Variants in GNAQ observed in about 807,000 individuals in gnomAD.
The protein encoded by GNAQ is guanine nucleotide-binding protein G(q) subunit alpha.
A neutral mutation model predicts 43.9 loss-of-function variants in GNAQ; 8 were observed. That is an observed-to-expected ratio of 0.18 (90% CI 0.11 to 0.33). The LOEUF (loss-of-function observed/expected upper bound fraction) is 0.33, where lower values mean the gene tolerates loss of function less well. GNAQ is among the 10% of genes least tolerant of loss of function. The probability of loss-of-function intolerance (pLI) is 1.00; values close to 1 mark genes in which losing one functional copy is unlikely to be tolerated. For missense variants in GNAQ, 158 were observed against 450.8 expected (o/e 0.35, Z 5.88); for synonymous variants, 155 against 170.7 (o/e 0.91, Z 0.71).
rs1564120114 is a variant in GNAQ, at chr9:77,819,029, A to AAAAAAAAAAAAAG, written c.322-3260_322-3259insCTTTTTTTTTTTT. Among the ~76,000 whole-genome samples the AAAAAAAAAAAAAG allele has an allele frequency of 1.7e-5, 2 of 119,184 alleles. 1 individual carries two copies. Among genetic ancestry groups the AAAAAAAAAAAAAG allele is most frequent in the Admixed American group, 1.9e-4 (2 of 10,538 alleles). 78.2% of individuals were successfully genotyped at this position (119,184 alleles called of 152,430 possible). A position where few individuals can be genotyped will look rare whatever the true frequency, so the allele number is the denominator to read the frequency against. On this transcript the variant is annotated intron_variant, in intron 2 of 6. Coordinates refer to ENST00000286548, the MANE Select transcript of GNAQ (RefSeq NM_002072.5). ...AAAAAAAAAAAAAAAAAAAAAAAAA[A>AAAAAAAAAAAAAG]CACCCAAAAATACCTAGTATGATTT...
intron 2 of GNAQ, among the ~76,000 whole-genome samples, chr9:77,887,840 C>T (rs1272025714): frequency 1.3e-5 from 2 of 152,180 alleles, no homozygotes; most frequent in African/African-American, 4.8e-5. Context: ...CTTTCTGTTG[C>T]ACTCTTAATC....
chr9:77,786,169 A>AG (rs1240217952), intron 5 of GNAQ, among the ~76,000 whole-genome samples: 6 of 152,028 alleles, frequency 3.9e-5, no homozygotes, highest in Non-Finnish European at 7.4e-5. Flanking sequence ...CGAGGTCATG[A>AG]GATCGAGACC....
At chr9:77,922,419 A>C in intron 1 of GNAQ, 74 bp from the exon 2 acceptor site, 7 of 983,152 alleles carry the variant, frequency 7.1e-6, no homozygotes, top group Non-Finnish European at 9.3e-6. Flanking sequence ...ACCAAATACC[A>C]TGCCTTGGAT....
intron 4 of GNAQ, among the ~76,000 whole-genome samples, chr9:77,794,806 T>G (rs941063457): frequency 6.6e-6 from 1 of 152,152 alleles, no homozygotes; most frequent in Non-Finnish European, 1.5e-5. Flanking sequence ...ATGATGGTTT[T>G]AAGAAAGTTA....
At chr9:77,780,813 G>A (rs541403649) in intron 5 of GNAQ, among the ~76,000 whole-genome samples, 2 of 151,956 alleles carry the variant, frequency 1.3e-5, no homozygotes, top group Non-Finnish European at 2.9e-5. Flanking sequence ...CCTAAGTGGG[G>A]TGAGATGATA....
chr9:77,809,197 C>G (rs186393097), intron 3 of GNAQ, among the ~76,000 whole-genome samples: 1 of 152,162 alleles, frequency 6.6e-6, no homozygotes, highest in African/African-American at 2.4e-5. Flanking sequence ...ATGTTCTTTA[C>G]GGGCTCCGGA....
At chr9:77,946,748 T>C (rs1822905064) in intron 1 of GNAQ, among the ~76,000 whole-genome samples, 1 of 152,256 alleles carries the variant, frequency 6.6e-6, no homozygotes, top group Non-Finnish European at 1.5e-5. Flanking sequence ...GGATCAACAG[T>C]AACACATGGG....
intron 2 of GNAQ, among the ~76,000 whole-genome samples, chr9:77,823,337 C>A (rs1827145227): frequency 1.3e-5 from 2 of 152,004 alleles, no homozygotes. Flanking sequence ...TAAATAAAGA[C>A]CCAAATTTTG....
intron 6 of GNAQ, among the ~76,000 whole-genome samples, chr9:77,721,896 C>A (rs565725665): frequency 5.3e-5 from 8 of 152,236 alleles, no homozygotes; most frequent in Admixed American, 4.6e-4. Context: ...TAAGTGTGCA[C>A]AAAGATACAG....
intron 2 of GNAQ, among the ~76,000 whole-genome samples, chr9:77,911,098 A>T (rs1040411015): frequency 2.6e-5 from 4 of 152,178 alleles, no homozygotes; most frequent in African/African-American, 9.7e-5. Context: ...CCAATTTTAA[A>T]CGATTTGGAT....
chr9:77,994,868 T>A (rs544703784), intron 1 of GNAQ, among the ~76,000 whole-genome samples: 2 of 152,230 alleles, frequency 1.3e-5, no homozygotes, highest in African/African-American at 2.4e-5. Context: ...CATATATGAC[T>A]AATGCTAGGA....
At chr9:77,824,502 G>T (rs750952468) in intron 2 of GNAQ, among the ~76,000 whole-genome samples, 10 of 152,062 alleles carry the variant, frequency 6.6e-5, no homozygotes, top group Non-Finnish European at 1.5e-4. Context: ...AGCTTGTTTG[G>T]ATACAACTGT....
At chr9:77,845,204 C>T (rs996796807) in intron 2 of GNAQ, among the ~76,000 whole-genome samples, 1 of 152,108 alleles carries the variant, frequency 6.6e-6, no homozygotes, top group South Asian at 2.1e-4. Context: ...GTCAGAAAAT[C>T]TAAAATGGTA....
chr9:77,986,746 T>C (rs1366324637), intron 1 of GNAQ, among the ~76,000 whole-genome samples: 1 of 151,534 alleles, frequency 6.6e-6, no homozygotes, highest in African/African-American at 2.4e-5. Flanking sequence ...GGCTCAATCT[T>C]CTCACCTTGG....
At chr9:77,885,476 C>T (rs1302055627) in intron 2 of GNAQ, among the ~76,000 whole-genome samples, 2 of 152,138 alleles carry the variant, frequency 1.3e-5, no homozygotes, top group Non-Finnish European at 2.9e-5. Context: ...CGGCCCTGTC[C>T]AGCACAACTC....
intron 1 of GNAQ, among the ~76,000 whole-genome samples, chr9:77,968,778 G>A (rs1442427813): frequency 2.0e-5 from 3 of 152,186 alleles, no homozygotes; most frequent in Admixed American, 1.3e-4. Context: ...CAATTATGCC[G>A]GGGCTCTTAA....
At chr9:77,869,551 G>A (rs1205394945) in intron 2 of GNAQ, among the ~76,000 whole-genome samples, 2 of 152,176 alleles carry the variant, frequency 1.3e-5, no homozygotes, top group Non-Finnish European at 2.9e-5. Flanking sequence ...TAAATGTAAA[G>A]AGGACAGGAA....
chr9:77,756,393 A>G (rs903901517), intron 5 of GNAQ, among the ~76,000 whole-genome samples: 1 of 152,268 alleles, frequency 6.6e-6, no homozygotes, highest in Non-Finnish European at 1.5e-5. Context: ...CCTATGGCAC[A>G]GACTATTCAC....
At chr9:77,891,013 G>A (rs201188994) in intron 2 of GNAQ, among the ~76,000 whole-genome samples, 1 of 152,312 alleles carries the variant, frequency 6.6e-6, no homozygotes, top group Non-Finnish European at 1.5e-5. Flanking sequence ...TATAGCAAGA[G>A]AGTGTTTTAA....
Sources: gnomAD v4.1 joint callset for allele counts (sites outside exome capture counted in the v4.1 genomes callset) on GRCh38, gnomAD v4.1.1 for gene constraint, MANE v1.5 for transcripts, NCBI Gene and HGNC (gene_info 2026-07-23, HGNC 2026-07-21) for gene names.